Variants in CEP72 observed in about 807,000 individuals in gnomAD.
The protein encoded by CEP72 is centrosomal protein 72, also known as centrosomal protein of 72 kDa.
Under a neutral mutation model 65.7 loss-of-function variants are expected in CEP72, and 78 were observed. The ratio of observed to expected loss-of-function variants is 1.19; its 90% CI spans 0.99 to 1.43. The LOEUF is 1.43. Ranked by LOEUF, CEP72 falls within the 40% of genes most tolerant of loss-of-function variation. The probability of loss-of-function intolerance (pLI) is 0.00; values close to 1 mark genes in which losing one functional copy is unlikely to be tolerated. For missense variants in CEP72, 914 were observed against 832.9 expected (o/e 1.10, Z -1.20); for synonymous variants, 358 against 351.7 (o/e 1.02, Z -0.20).
downstream of CEP72, among the ~76,000 whole-genome samples, chr5:654,379 G>C: frequency 6.7e-6 from 1 of 149,666 alleles, no homozygotes. Context: ...GTGTGCACGC[G>C]TTGTGTATGT....
At chr5:675,129 GC>G in the CEP72 span, among the ~76,000 whole-genome samples, 1 of 140,262 alleles carries the variant, frequency 7.1e-6, no homozygotes. Context: ...GTACAGTGTG[GC>G]CAGGGGTGCA....
chr5:669,146 C>T (rs547283595), downstream of CEP72, among the ~76,000 whole-genome samples: 51 of 152,296 alleles, frequency 3.3e-4, no homozygotes, highest in South Asian at 6.4e-3. Context: ...TCGCTGTGTC[C>T]GGAGGGGGCT....
intron 6 of CEP72, among the ~76,000 whole-genome samples, chr5:636,544 C>T (rs1453200872): frequency 6.6e-6 from 1 of 152,220 alleles, no homozygotes; most frequent in African/African-American, 2.4e-5. Context: ...GACACGGTGG[C>T]TCACGCCTAT....
downstream of CEP72, among the ~76,000 whole-genome samples, chr5:654,275 G>A (rs563210801): frequency 2.2e-3 from 327 of 146,996 alleles, 1 homozygote; most frequent in African/African-American, 8.1e-3. Context: ...GTGCTTGTGC[G>A]CTTGCTGTGT....
chr5:647,500 G>A (rs1298064545), intron 10 of CEP72, among the ~76,000 whole-genome samples: 1 of 152,204 alleles, frequency 6.6e-6, no homozygotes, highest in African/African-American at 2.4e-5. Flanking sequence ...GACAGGCCCA[G>A]TGGAGGGACT....
At chr5:629,803 C>T (rs1244125248) in intron 4 of CEP72, among the ~76,000 whole-genome samples, 3 of 66,944 alleles carry the variant, frequency 4.5e-5, no homozygotes, top group Non-Finnish European at 7.4e-5. Context: ...TGTCCAGTGC[C>T]GGGATTTGGC....
At chr5:673,710 G>A in the CEP72 span, among the ~76,000 whole-genome samples, 94 of 152,320 alleles carry the variant, frequency 6.2e-4, no homozygotes, top group African/African-American at 2.1e-3. Context: ...CTGGTCCCCG[G>A]CCCCACACTG....
rs1404193651 is a variant in CEP72 at position 637,791 on chromosome 5, G to A, written c.1179G>A (p.Arg393=). The A allele has an allele frequency of 3.8e-6, 6 of 1,588,030 alleles. No homozygotes were observed. Among genetic ancestry groups the A allele is most frequent in the Non-Finnish European group, 5.1e-6 (6 of 1,165,546 alleles). ...AGGCCTCGGAGACTGAGGAGCAGAG[G>A]TCTCGGGGTGTGACCGACACCAGAG... The part of the protein sequence containing the change: ...QPEASETEEQ[R]SRGVTDTREP... Residue 393 remains arginine, a synonymous_variant, in exon 7 of 12, where the codon AGG becomes AGA. Coordinates refer to ENST00000264935, the MANE Select transcript of CEP72 (RefSeq NM_018140.4).
At chr5:673,515 CT>C in the CEP72 span, among the ~76,000 whole-genome samples, 2 of 152,158 alleles carry the variant, frequency 1.3e-5, no homozygotes, top group Non-Finnish European at 2.9e-5. Context: ...AGTCCCAGTC[CT>C]GGCCACCTGA....
downstream of CEP72, chr5:661,017 G>A (rs1320960148): frequency 1.3e-5 from 2 of 152,212 alleles, no homozygotes; most frequent in African/African-American, 4.8e-5. Flanking sequence ...CATATAATTT[G>A]AACTTTAATT....
chr5:638,987 C>T, intron 7 of CEP72, 102 bp from the exon 8 acceptor site: 1 of 1,475,590 alleles, frequency 6.8e-7, no homozygotes, highest in Non-Finnish European at 9.4e-7. Context: ...CCTGTCCTCC[C>T]CTTCGTGGTG....
chr5:664,064 G>T (rs892365274), intron 2 of CEP72: 10 of 152,470 alleles, frequency 6.6e-5, no homozygotes, highest in African/African-American at 1.9e-4. Flanking sequence ...AGGACTGGGG[G>T]TCCTCCCTAG....
chr5:638,592 G>A (rs145587943), intron 7 of CEP72, among the ~76,000 whole-genome samples: 99 of 152,104 alleles, frequency 6.5e-4, no homozygotes, highest in African/African-American at 2.3e-3. Flanking sequence ...TGGGTGGGGC[G>A]TGTTTGACGT....
chr5:658,597 C>T (rs1057171586), downstream of CEP72, among the ~76,000 whole-genome samples: 35 of 140,410 alleles, frequency 2.5e-4, no homozygotes, highest in African/African-American at 9.0e-4. Flanking sequence ...ATTATTTTAT[C>T]AATTTCCCTG....
chr5:633,710 C>T (rs138293620), intron 4 of CEP72, 59 bp from the exon 5 acceptor site: 142 of 1,522,912 alleles, frequency 9.3e-5, no homozygotes, highest in African/African-American at 7.2e-4. Context: ...TCCTGGTCTG[C>T]GTGGGCCGGA....
In CEP72 at chr5:641,623, CT is replaced by C. The variant is rs1476680669; in HGVS notation, c.1539+1020del. 3.0e-6 allele frequency: 3 copies of C among 983,690 alleles called. No individual in the cohort carries two copies. The Admixed American group carries it at 1.8e-4, about 61-fold the overall frequency. The allele number at this position is 983,690 out of a possible 1,614,324, so 60.9% of individuals were successfully genotyped here. A position where few individuals can be genotyped will look rare whatever the true frequency, so the allele number is the denominator to read the frequency against. The stretch of plus-strand genomic sequence containing the variant: ...CTGCACGTGGCCTTCATCTGGAAGC[CT>C]CTGTATTTAAACACATGTGGGCCTC... On this transcript the variant is annotated intron_variant, in intron 9 of 11. Coordinates refer to ENST00000264935, the MANE Select transcript of CEP72 (RefSeq NM_018140.4).
Position 645,784 on chromosome 5 carries a change from A to G in CEP72, c.1666+1359A>G, listed in dbSNP as rs1323943537. ...TTGTTACTCGGTCTTAAATGTATGC[A>G]TAGCTCCCATTTATTTTAGTGTTTA... On this transcript the variant is annotated intron_variant, in intron 10 of 11. Transcript: ENST00000264935. The surrounding 1 kb of genome is among the most constrained non-coding windows in gnomAD (Gnocchi z 4.0). Among the ~76,000 whole-genome samples, 1 of 152,256 alleles carries G rather than the reference A, an allele frequency of 6.6e-6. No individual in the cohort carries two copies. The highest frequency in any genetic ancestry group is 1.5e-5 in the Non-Finnish European group (1 of 68,048).
At chr5:628,073 G>A (rs901416705) in intron 4 of CEP72, among the ~76,000 whole-genome samples, 8 of 152,250 alleles carry the variant, frequency 5.3e-5, no homozygotes, top group Non-Finnish European at 1.2e-4. Context: ...ACCTCTAGAT[G>A]ATGAGAACAG....
chr5:651,764 C>G (rs2126830051), intron 11 of CEP72, among the ~76,000 whole-genome samples: 1 of 152,102 alleles, frequency 6.6e-6, no homozygotes, highest in African/African-American at 2.4e-5. Flanking sequence ...CTGTGTGAAC[C>G]CCTGTTGCTG....
Sources: gnomAD v4.1 joint callset for allele counts (sites outside exome capture counted in the v4.1 genomes callset) on GRCh38, gnomAD v4.1.1 for gene constraint, Gnocchi (gnomAD v3.1) non-coding constraint, MANE v1.5 for transcripts, NCBI Gene and HGNC (gene_info 2026-07-23, HGNC 2026-07-21) for gene names.